Variants in PCDHGB2 observed in about 807,000 individuals in gnomAD.
PCDHGB2 encodes protocadherin gamma-B2.
PCDHGB2 carries 55 observed loss-of-function variants against 59.3 expected under a neutral mutation model. The ratio of observed to expected loss-of-function variants is 0.93; its 90% confidence interval spans 0.75 to 1.16. PCDHGB2 has a LOEUF of 1.16. Ranked by LOEUF, PCDHGB2 falls within the 50% of genes most tolerant of loss-of-function variation. PCDHGB2 has a pLI of 0.00. For synonymous variants in PCDHGB2, 516 were observed against 512.0 expected (o/e 1.01, Z -0.11); for missense variants, 1,228 against 1,198.5 (o/e 1.02, Z -0.36).
chr5:141,413,910 C>T, intron 1 of PCDHGB2: 1 of 1,613,376 alleles, frequency 6.2e-7, no homozygotes, highest in Non-Finnish European at 8.5e-7. Flanking sequence ...ACGCGCCGGT[C>T]TTCACCTTGC....
intron 1 of PCDHGB2, among the ~76,000 whole-genome samples, chr5:141,439,449 G>A (rs761506247): frequency 4.6e-5 from 7 of 152,184 alleles, no homozygotes; most frequent in Admixed American, 3.9e-4. Context: ...TATTGCGGGA[G>A]CAAGACTGCA....
chr5:141,410,063 C>A lies in PCDHGB2; in HGVS notation c.2421+47507C>A. 1.9e-6 allele frequency: 3 copies of A among 1,612,972 alleles called. No homozygotes were observed. The South Asian group carries it at 3.3e-5, about 18-fold the overall frequency. On this transcript the variant is annotated intron_variant, in intron 1 of 3. Coordinates refer to ENST00000522605, the MANE Select transcript of PCDHGB2 (RefSeq NM_018923.3). ...TGAGCCCGGACTCTTCAGCCTGGGG[C>A]TGCGCACTGGGGAGGTGCGCACGGC...
intron 1 of PCDHGB2, chr5:141,372,627 G>A (rs2150009906): frequency 3.1e-6 from 5 of 1,613,974 alleles, no homozygotes; most frequent in Admixed American, 1.7e-5. Context: ...CACCTACAGC[G>A]AAAGGACTTT....
intron 1 of PCDHGB2, chr5:141,417,670 A>T: frequency 1.1e-6 from 1 of 929,118 alleles, no homozygotes; most frequent in Admixed American, 3.2e-5. Context: ...TTCCCTGCGC[A>T]GCCAACAACA....
At position 141,361,451 on chromosome 5, in the gene PCDHGB2, C is replaced by T. The variant is rs1762026624; in HGVS notation, c.1316C>T (p.Thr439Ile). 6.2e-7 allele frequency: 1 copy of T among 1,614,034 alleles called. No individual in the cohort carries two copies. The highest frequency in any genetic ancestry group is 8.5e-7 in the Non-Finnish European group (1 of 1,179,902). The change falls in exon 1 of 4, where the codon ACC (threonine) becomes ATC (isoleucine). Residue 439 changes from threonine to isoleucine, a missense_variant. By Grantham distance (89) the Thr-to-Ile change is moderately conservative. Coordinates refer to ENST00000522605, the MANE Select transcript of PCDHGB2 (RefSeq NM_018923.3). ...KPPLSSSIIV[T>I]LHISDVNDNA... ...CCCCTCTCCTCCAGCATAATTGTCA[C>T]CCTGCACATCTCCGACGTCAACGAT...
At chr5:141,403,342 C>T (rs766669117) in intron 1 of PCDHGB2, 4 of 1,613,976 alleles carry the variant, frequency 2.5e-6, no homozygotes, top group African/African-American at 1.3e-5. Context: ...ACGACAGCGC[C>T]CCAAAGTTCC....
intron 3 of PCDHGB2, 67 bp from the exon 4 acceptor site, chr5:141,510,880 G>A (rs373993657): frequency 1.9e-6 from 3 of 1,611,784 alleles, no homozygotes; most frequent in Admixed American, 3.3e-5. Context: ...AACTGCTGGG[G>A]ATATAAGACA....
chr5:141,407,989 T>G, intron 1 of PCDHGB2: 1 of 833,618 alleles, frequency 1.2e-6, no homozygotes, highest in Non-Finnish European at 1.8e-6. Flanking sequence ...TCCGTCAGCC[T>G]CTGGCCTGGG....
chr5:141,400,062 T>A (rs2093953641), intron 1 of PCDHGB2: 2 of 1,613,652 alleles, frequency 1.2e-6, no homozygotes, highest in Middle Eastern at 1.7e-4. Flanking sequence ...TGCGTGATGG[T>A]GGACAGCCGC....
At chr5:141,496,994 T>A (rs2099773177) in intron 2 of PCDHGB2, among the ~76,000 whole-genome samples, 1 of 151,862 alleles carries the variant, frequency 6.6e-6, no homozygotes, top group Non-Finnish European at 1.5e-5. Flanking sequence ...GAGACCAGCC[T>A]GGCAGCCAAC....
chr5:141,452,748 A>G (rs2098748275), intron 1 of PCDHGB2, among the ~76,000 whole-genome samples: 1 of 152,058 alleles, frequency 6.6e-6, no homozygotes, highest in Admixed American at 6.6e-5. Flanking sequence ...GAGAGAAGGA[A>G]GAAGGAAGGG....
At chr5:141,365,440 C>G in intron 1 of PCDHGB2, 1 of 1,613,954 alleles carries the variant, frequency 6.2e-7, no homozygotes, top group Non-Finnish European at 8.5e-7. Context: ...CGCTGTTTAG[C>G]GTACATGATG....
At chr5:141,366,024 C>G in intron 1 of PCDHGB2, 1 of 1,614,260 alleles carries the variant, frequency 6.2e-7, no homozygotes, top group Non-Finnish European at 8.5e-7. Context: ...ATCCTGTACC[C>G]CGCCCTCCCC....
intron 1 of PCDHGB2, chr5:141,421,236 TCGGCTACAG>T (rs761399164): frequency 3.8e-5 from 60 of 1,594,916 alleles, no homozygotes; most frequent in Non-Finnish European, 5.1e-5. Flanking sequence ...CCATGGCGAA[TCGGCTACAG>T]CGCGGGGACC....
In PCDHGB2 at chr5:141,485,013, C is replaced by A. The variant is rs551059588; in HGVS notation, c.2422-9794C>A. ...GTGAAAGGCAGACAAATCTACCCCG[C>A]CACCAGCAAAAACGGCGCGTAACCC... On this transcript the variant is annotated intron_variant, in intron 1 of 3. Coordinates refer to ENST00000522605, the MANE Select transcript of PCDHGB2 (RefSeq NM_018923.3). This position sits in a 1 kb window ranked among gnomAD's most constrained non-coding sequence, Gnocchi z 5.7. The A allele has an allele frequency of 6.3e-6, 4 of 634,556 alleles. No homozygotes were observed. Among genetic ancestry groups the A allele is most frequent in the South Asian group, 3.9e-5 (2 of 51,594 alleles). The allele number at this position is 634,556 out of a possible 1,614,324, so 39.3% of individuals were successfully genotyped here. A position where few individuals can be genotyped will look rare whatever the true frequency, so the allele number is the denominator to read the frequency against.
chr5:141,420,308 T>C (rs1486910909), intron 1 of PCDHGB2: 3 of 1,457,838 alleles, frequency 2.1e-6, no homozygotes, highest in Non-Finnish European at 9.2e-7. Context: ...ATCCTTTTTA[T>C]ATTACAATAT....
In PCDHGB2 at chr5:141,485,848, C is replaced by T; in HGVS notation, c.2422-8959C>T. On this transcript the variant is annotated intron_variant, in intron 1 of 3. Coordinates refer to ENST00000522605, the MANE Select transcript of PCDHGB2 (RefSeq NM_018923.3). This position sits in a 1 kb window ranked among gnomAD's most constrained non-coding sequence, Gnocchi z 5.7. ...GAGGGAACCCGCCGAGATCTGGCAC[C>T]GCAGAGCTCCGGGTATCCGTGCTGG... The T allele has an allele frequency of 1.2e-6, 2 of 1,614,194 alleles. No homozygotes were observed. Among genetic ancestry groups the T allele is most frequent in the South Asian group, 2.2e-5 (2 of 91,080 alleles).
chr5:141,421,216 T>G, intron 1 of PCDHGB2: 1 of 1,567,154 alleles, frequency 6.4e-7, no homozygotes, highest in Non-Finnish European at 8.6e-7. Flanking sequence ...GAATATCGGC[T>G]TAGAGCCTGC....
chr5:141,362,634 TCTTTGTC>T, intron 1 of PCDHGB2, 78 bp downstream of exon 1: 2 of 1,484,528 alleles, frequency 1.3e-6, no homozygotes, highest in Non-Finnish European at 1.8e-6. Context: ...ACTGCGTATT[TCTTTGTC>T]TGTGAGTTAG....
Sources: gnomAD v4.1 joint callset for allele counts (sites outside exome capture counted in the v4.1 genomes callset) on GRCh38, gnomAD v4.1.1 for gene constraint, Gnocchi (gnomAD v3.1) non-coding constraint, MANE v1.5 for transcripts, NCBI Gene and HGNC (gene_info 2026-07-23, HGNC 2026-07-21) for gene names.